Variants in CTDP1 observed in about 807,000 individuals in gnomAD.
CTDP1 encodes the protein RNA polymerase II subunit A C-terminal domain phosphatase.
Under a neutral mutation model 91.8 loss-of-function variants are expected in CTDP1, and 47 were observed. The ratio of observed to expected loss-of-function variants is 0.51; its 90% CI spans 0.41 to 0.65. The LOEUF (loss-of-function observed/expected upper bound fraction) is 0.65. CTDP1 is among the 30% of genes least tolerant of loss of function. The pLI, the probability that CTDP1 is intolerant of heterozygous loss-of-function variation, is 0.00. For missense variants in CTDP1, 1,272 were observed against 1,373.7 expected (o/e 0.93, Z 1.17); for synonymous variants, 656 against 598.5 (o/e 1.10, Z -1.40).
Position 79,718,168 on chromosome 18 carries a change from C to A in CTDP1, c.2417+152C>A, listed in dbSNP as rs1353267897. ...TGCTTCCACCTTGTGGGAGCGCCGC[C>A]CCCGCTTGCAGTCTTGGGTCCTTTT... is the stretch of plus-strand genomic sequence containing the variant. On this transcript the variant is annotated intron_variant, in intron 10 of 12. Transcript: ENST00000613122. The A allele has an allele frequency of 3.4e-6, 3 of 892,020 alleles. No homozygotes were observed. The South Asian group carries it at 4.4e-5, about 13-fold the overall frequency. The allele number at this position is 892,020 out of a possible 1,614,324, so 55.3% of individuals were successfully genotyped here.
intron 6 of CTDP1, among the ~76,000 whole-genome samples, chr18:79,710,948 A>G (rs1302846579): frequency 6.6e-6 from 1 of 151,680 alleles, no homozygotes; most frequent in Non-Finnish European, 1.5e-5. Context: ...TCTAACCTGT[A>G]CTCCCACTGT....
intron 6 of CTDP1, among the ~76,000 whole-genome samples, chr18:79,711,698 G>A (rs966466815): frequency 2.6e-4 from 39 of 152,140 alleles, no homozygotes; most frequent in African/African-American, 8.7e-4. Context: ...TGACTATTAT[G>A]CCCATATTTT....
chr18:79,736,174 G>C (rs2086662898), intron 11 of CTDP1, 181 bp from the exon 12 acceptor site: 1 of 740,998 alleles, frequency 1.3e-6, no homozygotes, highest in African/African-American at 1.8e-5. Flanking sequence ...AGCGTCTTTT[G>C]CCCGGGGCTT....
chr18:79,695,886 A>T (rs1281242211), intron 2 of CTDP1, 91 bp from the exon 3 acceptor site: 1 of 1,032,506 alleles, frequency 9.7e-7, no homozygotes, highest in Admixed American at 1.7e-5. Context: ...GTCCGTTAAA[A>T]CATCAGCTAG....
chr18:79,695,500 C>T (rs1403623648), intron 2 of CTDP1, among the ~76,000 whole-genome samples, 192 bp downstream of exon 2: 1 of 152,184 alleles, frequency 6.6e-6, no homozygotes, highest in Non-Finnish European at 1.5e-5. Context: ...TGCTCTGTGA[C>T]CCCAGCCTCA....
At chr18:79,690,563 A>C (rs1245059106) in intron 1 of CTDP1, among the ~76,000 whole-genome samples, 5 of 152,232 alleles carry the variant, frequency 3.3e-5, no homozygotes, top group African/African-American at 1.2e-4. Context: ...GAGAGCGTTC[A>C]GGGCTTTTCA....
intron 12 of CTDP1, among the ~76,000 whole-genome samples, chr18:79,750,503 T>TC (rs2086973730): frequency 6.6e-6 from 1 of 151,556 alleles, no homozygotes; most frequent in Non-Finnish European, 1.5e-5. Flanking sequence ...GCCTTTTTTT[T>TC]TCCCCCCCGA....
intron 1 of CTDP1, among the ~76,000 whole-genome samples, chr18:79,682,848 T>C (rs1599178821): frequency 6.6e-6 from 1 of 152,308 alleles, no homozygotes; most frequent in East Asian, 1.9e-4. Context: ...GTAGAGAATA[T>C]TGGGCATAAT....
chr18:79,681,016 G>A (rs954141009), intron 1 of CTDP1: 7 of 152,308 alleles, frequency 4.6e-5, no homozygotes, highest in Admixed American at 3.3e-4. Flanking sequence ...AGGGAGAGGT[G>A]GACACTCCAG....
At chr18:79,704,725 C>T in intron 4 of CTDP1, 42 bp from the exon 5 acceptor site, 1 of 1,611,162 alleles carries the variant, frequency 6.2e-7, no homozygotes, top group Non-Finnish European at 8.5e-7. Context: ...GGCCGGGGCT[C>T]CTCAGGCCTT....
chr18:79,702,466 C>T (rs544171378), intron 4 of CTDP1, among the ~76,000 whole-genome samples: 24 of 152,262 alleles, frequency 1.6e-4, no homozygotes, highest in African/African-American at 4.3e-4. Flanking sequence ...CTCCACCTCC[C>T]GGGTTCAAGC....
Position 79,713,975 on chromosome 18 carries a change from G to A in CTDP1, c.1031-516G>A, listed in dbSNP as rs1403033914. On this transcript the variant is annotated intron_variant, in intron 7 of 12. Coordinates refer to ENST00000613122, the MANE Select transcript of CTDP1 (RefSeq NM_004715.5). This position sits in a 1 kb window ranked among gnomAD's most constrained non-coding sequence, Gnocchi z 4.7. ...TTACGGCCACGGTGGCGCCAGGTCT[G>A]CAGGGGCTTACGGCCACGGTGGTGC... Among the ~76,000 whole-genome samples the A allele has an allele frequency of 1.9e-5, 2 of 107,048 alleles. No individual in the cohort carries two copies. Among genetic ancestry groups the A allele is most frequent in the African/African-American group, 6.2e-5 (2 of 32,142 alleles). 70.2% of individuals were successfully genotyped at this position (107,048 alleles called of 152,430 possible). A position where few individuals can be genotyped will look rare whatever the true frequency, so the allele number is the denominator to read the frequency against.
intron 10 of CTDP1, among the ~76,000 whole-genome samples, chr18:79,725,139 C>G (rs1180466189): frequency 6.6e-6 from 1 of 152,174 alleles, no homozygotes; most frequent in Non-Finnish European, 1.5e-5. Flanking sequence ...AACCTTGCAC[C>G]CCAGAAACAA....
intron 11 of CTDP1, among the ~76,000 whole-genome samples, chr18:79,731,907 A>G (rs564064022): frequency 6.6e-6 from 1 of 152,196 alleles, no homozygotes; most frequent in South Asian, 2.1e-4. Context: ...TGCTCCCAAA[A>G]TCACGTGAGA....
At chr18:79,694,269 C>T (rs1419951408) in intron 1 of CTDP1, among the ~76,000 whole-genome samples, 1 of 141,570 alleles carries the variant, frequency 7.1e-6, no homozygotes, top group South Asian at 2.6e-4. Context: ...CTACAGGCAC[C>T]TAGGGGTGGG....
chr18:79,694,242 G>A (rs1599208313), intron 1 of CTDP1, among the ~76,000 whole-genome samples: 2 of 148,420 alleles, frequency 1.3e-5, no homozygotes. Flanking sequence ...AGCCCGGCTG[G>A]GATGGGAGTG....
At chr18:79,727,080 CG>C (rs1420952439) in intron 10 of CTDP1, among the ~76,000 whole-genome samples, 1 of 151,914 alleles carries the variant, frequency 6.6e-6, no homozygotes, top group Non-Finnish European at 1.5e-5. Context: ...GACCTTCCCG[CG>C]TGGGTGTGTG....
chr18:79,708,710 A>T (rs2086018881), intron 5 of CTDP1, among the ~76,000 whole-genome samples: 1 of 152,254 alleles, frequency 6.6e-6, no homozygotes, highest in African/African-American at 2.4e-5. Context: ...GCGTGCCATG[A>T]CAAGACCACA....
chr18:79,704,747 G>A lies in CTDP1; in HGVS notation c.622-20G>A, dbSNP rs748589011. 3 of 1,612,972 alleles carry A rather than the reference G, an allele frequency of 1.9e-6. No individual in the cohort carries two copies. The highest frequency in any genetic ancestry group is 2.5e-6 in the Non-Finnish European group (3 of 1,180,034). ...GCTCCTCAGGCCTTTTCTCCCGACT[G>A]TTGCTACTATTCTTTTTAGGGCATC... On this transcript the variant is annotated intron_variant, in intron 4 of 12. Coordinates refer to ENST00000613122, the MANE Select transcript of CTDP1 (RefSeq NM_004715.5).
Sources: gnomAD v4.1 joint callset for allele counts (sites outside exome capture counted in the v4.1 genomes callset) on GRCh38, gnomAD v4.1.1 for gene constraint, Gnocchi (gnomAD v3.1) non-coding constraint, MANE v1.5 for transcripts, NCBI Gene and HGNC (gene_info 2026-07-23, HGNC 2026-07-21) for gene names.